The following MYRIP variants were observed in gnomAD, a reference collection of about 807,000 sequenced individuals.
MYRIP encodes rab effector MyRIP.
A neutral mutation model predicts 98.0 loss-of-function variants in MYRIP; 49 were observed. The ratio of observed to expected loss-of-function variants is 0.50; its 90% CI spans 0.40 to 0.63. MYRIP has a LOEUF of 0.63. MYRIP is among the 30% of genes least tolerant of loss of function. The pLI is 0.00. For missense variants in MYRIP, 1,004 were observed against 1,058.2 expected, an observed-to-expected ratio of 0.95 and a Z score of 0.71; for synonymous variants, 404 against 409.5, an observed-to-expected ratio of 0.99 and a Z score of 0.16.
In MYRIP at chr3:40,258,115, G is replaced by A; in HGVS notation, c.2548-19G>A. On this transcript the variant is annotated intron_variant, in intron 16 of 16. Coordinates refer to ENST00000302541, the MANE Select transcript of MYRIP (RefSeq NM_015460.4). ...CTTCCCAAGTGGCTGATGGGAGTGT[G>A]TTCAATGTCTCACCTCAGGAGCCTG... The A allele has an allele frequency of 1.2e-6, 2 of 1,614,132 alleles. No individual in the cohort carries two copies. The highest frequency in any genetic ancestry group is 1.7e-6 in the Non-Finnish European group (2 of 1,179,978).
At chr3:40,129,472 AAAAAT>A in intron 3 of MYRIP, among the ~76,000 whole-genome samples, 1 of 138,816 alleles carries the variant, frequency 7.2e-6, no homozygotes, top group African/African-American at 2.7e-5. Flanking sequence ...AAAAAAAAAA[AAAAAT>A]CATGCCACCT....
chr3:40,057,971 A>T (rs1947916990), intron 3 of MYRIP, among the ~76,000 whole-genome samples: 1 of 152,192 alleles, frequency 6.6e-6, no homozygotes, highest in Non-Finnish European at 1.5e-5. Flanking sequence ...CACAAAAATC[A>T]CTTAGCAATG....
intron 2 of MYRIP, among the ~76,000 whole-genome samples, chr3:39,935,851 T>C (rs764794006): frequency 1.3e-5 from 2 of 152,170 alleles, no homozygotes; most frequent in African/African-American, 2.4e-5. Context: ...GTTGTAAGTA[T>C]GTGTTTCTAG....
At chr3:40,103,702 T>C (rs1373119363) in intron 3 of MYRIP, among the ~76,000 whole-genome samples, 1 of 152,022 alleles carries the variant, frequency 6.6e-6, no homozygotes, top group Admixed American at 6.6e-5. Flanking sequence ...GAGGTTGCAG[T>C]GAGCCGAGAT....
intron 1 of MYRIP, among the ~76,000 whole-genome samples, chr3:39,839,902 A>G (rs547965566): frequency 6.6e-6 from 1 of 152,078 alleles, no homozygotes; most frequent in East Asian, 1.9e-4. Flanking sequence ...TATATGGTCA[A>G]TTTTAGAATA....
intron 3 of MYRIP, among the ~76,000 whole-genome samples, chr3:40,054,649 C>T (rs1947848680): frequency 6.6e-6 from 1 of 152,154 alleles, no homozygotes; most frequent in Non-Finnish European, 1.5e-5. Flanking sequence ...AGTCTGCCTT[C>T]AAACTCAAGC....
At chr3:39,995,730 AT>A (rs1401143764) in intron 2 of MYRIP, among the ~76,000 whole-genome samples, 3 of 152,202 alleles carry the variant, frequency 2.0e-5, no homozygotes, top group Non-Finnish European at 4.4e-5. Flanking sequence ...AAGACACATA[AT>A]TGTCAGATTC....
intron 5 of MYRIP, among the ~76,000 whole-genome samples, chr3:40,165,799 T>C (rs533098039): frequency 1.1e-4 from 17 of 152,024 alleles, no homozygotes; most frequent in African/African-American, 3.6e-4. Context: ...GGTAGCACTA[T>C]ATTTTTTAAT....
intron 1 of MYRIP, among the ~76,000 whole-genome samples, chr3:39,850,109 C>A (rs774139251): frequency 5.9e-4 from 90 of 152,198 alleles, no homozygotes; most frequent in Non-Finnish European, 1.0e-3. Context: ...GAGTAGAGGA[C>A]TAGTCTAGGG....
intron 3 of MYRIP, among the ~76,000 whole-genome samples, chr3:40,090,034 A>G (rs568649841): frequency 1.3e-3 from 195 of 151,716 alleles, no homozygotes; most frequent in African/African-American, 4.4e-3. Flanking sequence ...GAGTTATTGT[A>G]TCTAGTGTGG....
intron 10 of MYRIP, among the ~76,000 whole-genome samples, 180 bp downstream of exon 10, chr3:40,190,643 C>T (rs537771587): frequency 2.0e-5 from 3 of 152,288 alleles, no homozygotes; most frequent in Non-Finnish European, 4.4e-5. Flanking sequence ...TGGGACTCCA[C>T]GTCCTCTTTG....
intron 2 of MYRIP, among the ~76,000 whole-genome samples, chr3:39,960,046 C>G (rs1945283872): frequency 6.6e-6 from 1 of 152,014 alleles, no homozygotes; most frequent in South Asian, 2.1e-4. Flanking sequence ...CTCCCATTCC[C>G]AATCTTAAGG....
chr3:39,884,951 T>C (rs1943252617), intron 1 of MYRIP, among the ~76,000 whole-genome samples: 1 of 100,506 alleles, frequency 9.9e-6, no homozygotes, highest in Admixed American at 1.4e-4. Flanking sequence ...TCCCTCCCTA[T>C]CATAATGATA....
chr3:39,980,963 A>G (rs1252096421), intron 2 of MYRIP, among the ~76,000 whole-genome samples: 1 of 152,130 alleles, frequency 6.6e-6, no homozygotes, highest in Non-Finnish European at 1.5e-5. Context: ...GGAGATGGAG[A>G]TGGTGGTGAT....
chr3:40,112,523 T>C (rs1318558162), intron 3 of MYRIP, among the ~76,000 whole-genome samples: 4 of 152,220 alleles, frequency 2.6e-5, no homozygotes, highest in African/African-American at 9.6e-5. Flanking sequence ...TAGGAGCCAT[T>C]ACCAGCCAGC....
Position 40,044,034 on chromosome 3 carries a change from T to C in MYRIP, c.111-16T>C, listed in dbSNP as rs961800079. 15 of 1,612,020 alleles carry C rather than the reference T, an allele frequency of 9.3e-6. No individual in the cohort carries two copies. The African/African-American group carries it at 1.9e-4, about 20-fold the overall frequency. On this transcript the variant is annotated splice_polypyrimidine_tract_variant and intron_variant, in intron 2 of 16. Transcript: ENST00000302541. ...GTTTCTCTCCTCCTCCCATTTCCCC[T>C]ACCTTGGTTTCCCAGTGAGCTGAAG...
At chr3:40,033,158 A>G (rs1194286064) in intron 2 of MYRIP, among the ~76,000 whole-genome samples, 3 of 147,694 alleles carry the variant, frequency 2.0e-5, no homozygotes, top group African/African-American at 7.4e-5. Context: ...GAAAACTGGC[A>G]TAAGACAGGG....
chr3:39,977,166 C>G (rs1559545228), intron 2 of MYRIP, among the ~76,000 whole-genome samples: 1 of 151,900 alleles, frequency 6.6e-6, no homozygotes, highest in Admixed American at 6.6e-5. Flanking sequence ...TGCCCACTTC[C>G]CTCCTCACGT....
In MYRIP at chr3:40,170,090, C is replaced by G; in HGVS notation, c.870C>G (p.Leu290=). The G allele has an allele frequency of 6.2e-7, 1 of 1,614,086 alleles. No individual in the cohort carries two copies. Among genetic ancestry groups the G allele is most frequent in the Non-Finnish European group, 8.5e-7 (1 of 1,180,024 alleles). ...GAGGCTACCGTGCTCCCGCTGCCCT[C>G]TGGGTGAGTCCCCAAGCAGTGCTGG... ...SPGGYRAPAA[L]WRSQSAFSIT... The change falls in exon 8 of 17, where the codon CTC becomes CTG. Residue 290 remains leucine, a synonymous_variant. Transcript: ENST00000302541.
Sources: gnomAD v4.1 joint callset for allele counts (sites outside exome capture counted in the v4.1 genomes callset) on GRCh38, gnomAD v4.1.1 for gene constraint, MANE v1.5 for transcripts, NCBI Gene and HGNC (gene_info 2026-07-23, HGNC 2026-07-21) for gene names.